SETD9: variants seen among roughly 807,000 people sequenced by gnomAD.
SETD9 encodes the protein SET domain containing 9, also known as SET domain-containing protein 9.
Under a neutral mutation model 36.4 loss-of-function variants are expected in SETD9, and 37 were observed. The ratio of observed to expected loss-of-function variants is 1.02; its 90% CI spans 0.78 to 1.34. The LOEUF (loss-of-function observed/expected upper bound fraction) is 1.34, where lower values mean the gene tolerates loss of function less well. SETD9 is among the 40% of genes most tolerant of loss of function. The probability of loss-of-function intolerance (pLI) is 0.00; values close to 1 mark genes in which losing one functional copy is unlikely to be tolerated. For missense variants in SETD9, 323 were observed against 353.2 expected (o/e 0.91, Z 0.69); for synonymous variants, 128 against 132.9 (o/e 0.96, Z 0.26).
At chr5:56,922,959 T>C (rs1749743189) in intron 5 of SETD9, 4 of 622,436 alleles carry the variant, frequency 6.4e-6, no homozygotes, top group Non-Finnish European at 8.3e-6. Flanking sequence ...CATTTATGGA[T>C]TGAAAAATGA....
At chr5:56,913,220 A>C (rs1579811717) in intron 3 of SETD9, 86 bp downstream of exon 3, 14 of 1,184,842 alleles carry the variant, frequency 1.2e-5, no homozygotes, top group Admixed American at 3.1e-5. Flanking sequence ...TTTGTACTTT[A>C]TTTATTTTTT....
Position 56,909,655 on chromosome 5 carries a change from CG to C in SETD9, c.11del (p.Arg4LeufsTer23), listed in dbSNP as rs1748988777. On this transcript the variant is annotated frameshift_variant, in exon 1 of 6. Transcript: ENST00000285947. LOFTEE classifies it high-confidence loss of function. MPG[R>X]LLRGLWQRWR... ...GCCCCGCGGGGCAGCCATGCCTGGC[CG>C]TCTGCTGCGGGGCCTGTGGCAGCGA... 1 of 1,607,318 alleles carries C rather than the reference CG, an allele frequency of 6.2e-7. No individual in the cohort carries two copies.
Position 56,916,870 on chromosome 5 carries a change from C to CT in SETD9, c.874dup (p.Ser292PhefsTer12), listed in dbSNP as rs757078745. On this transcript the variant is annotated frameshift_variant, in exon 6 of 6. Coordinates refer to ENST00000285947, the MANE Select transcript of SETD9 (RefSeq NM_153706.4). LOFTEE classifies it high-confidence loss of function. ...TAGGGACATCAATCAAGGAGAAGAG[C>CT]TTTTTTCAAACTACTACACAATTGT... The CT allele has an allele frequency of 3.1e-6, 5 of 1,607,320 alleles. No individual in the cohort carries two copies. Among genetic ancestry groups the CT allele is most frequent in the Non-Finnish European group, 4.2e-6 (5 of 1,177,642 alleles).
intron 1 of SETD9, 141 bp from the exon 2 acceptor site, chr5:56,911,028 T>C: frequency 1.0e-6 from 1 of 959,224 alleles, no homozygotes; most frequent in Non-Finnish European, 1.5e-6. Flanking sequence ...CAAACAATTC[T>C]TTTCTGAACT....
chr5:56,912,972 C>T, intron 2 of SETD9, 39 bp from the exon 3 acceptor site: 1 of 1,594,866 alleles, frequency 6.3e-7, no homozygotes, highest in South Asian at 1.1e-5. Flanking sequence ...TATGATTTTT[C>T]ATGTTGTTAT....
chr5:56,916,750 T>C (rs1387519209), intron 5 of SETD9, 65 bp from the exon 6 acceptor site: 1 of 1,540,504 alleles, frequency 6.5e-7, no homozygotes, highest in Non-Finnish European at 8.8e-7. Context: ...GCCATCTTGG[T>C]TATATTAAAA....
downstream of SETD9, among the ~76,000 whole-genome samples, chr5:56,919,110 C>CCTTA (rs1285119555): frequency 6.8e-6 from 1 of 147,338 alleles, no homozygotes; most frequent in Non-Finnish European, 1.5e-5. Flanking sequence ...AAAGTATAAT[C>CCTTA]CTTACTTTGG....
chr5:56,910,688 T>A, intron 1 of SETD9: 1 of 234,914 alleles, frequency 4.3e-6, no homozygotes, highest in South Asian at 4.3e-5. Flanking sequence ...CTGGAGGGAG[T>A]GTCACAAAGT....
At chr5:56,912,714 T>C (rs2271202) in intron 2 of SETD9, among the ~76,000 whole-genome samples, 13,888 of 152,184 alleles carry the variant, frequency 0.091, 656 homozygotes, top group East Asian at 0.14. Context: ...TACTTAAATA[T>C]ATATGTGTGT....
At chr5:56,920,515 G>A (rs1749621725), downstream of SETD9, 1 of 152,348 alleles carries the variant, frequency 6.6e-6, no homozygotes, top group Admixed American at 6.6e-5. Context: ...TGATAATAAA[G>A]GCATTATTGT....
At chr5:56,918,278 TTCTC>T (rs532112710), downstream of SETD9, among the ~76,000 whole-genome samples, 24 of 152,204 alleles carry the variant, frequency 1.6e-4, no homozygotes, top group Non-Finnish European at 2.5e-4. Flanking sequence ...TTGCACTTAG[TTCTC>T]TCTGCCTGTA....
At position 56,909,663 on chromosome 5, in the gene SETD9, G is replaced by GCCC; in HGVS notation, c.19_20insCCC (p.Leu6_Arg7insPro). On this transcript the variant is annotated inframe_insertion, in exon 1 of 6. Coordinates refer to ENST00000285947, the MANE Select transcript of SETD9 (RefSeq NM_153706.4). The stretch of plus-strand genomic sequence containing the variant: ...GGGCAGCCATGCCTGGCCGTCTGCT[G>GCCC]CGGGGCCTGTGGCAGCGATGGCGCC... 6.2e-7 allele frequency: 1 copy of GCCC among 1,609,282 alleles called. No individual in the cohort carries two copies. The highest frequency in any genetic ancestry group is 1.1e-5 in the South Asian group (1 of 90,564).
chr5:56,924,023 G>A, intron 5 of SETD9: 1 of 1,613,272 alleles, frequency 6.2e-7, no homozygotes, highest in South Asian at 1.1e-5. Flanking sequence ...TACACACTCA[G>A]CAACTGTCCT....
chr5:56,918,709 T>C (rs888601635), downstream of SETD9, among the ~76,000 whole-genome samples: 3 of 152,248 alleles, frequency 2.0e-5, no homozygotes, highest in Admixed American at 6.5e-5. Flanking sequence ...GATGTGGTTT[T>C]AGTCAAGTAA....
At chr5:56,912,623 A>G (rs1749196774) in intron 2 of SETD9, among the ~76,000 whole-genome samples, 1 of 152,200 alleles carries the variant, frequency 6.6e-6, no homozygotes, top group South Asian at 2.1e-4. Flanking sequence ...TGTCAGACTC[A>G]TCTATTCCCA....
At chr5:56,922,013 T>C (rs1206546848), downstream of SETD9, 2 of 152,658 alleles carry the variant, frequency 1.3e-5, no homozygotes, top group Admixed American at 1.3e-4. Flanking sequence ...TAATGTACCA[T>C]TCTATTTCAG....
intron 5 of SETD9, chr5:56,922,651 G>A (rs1749726360): frequency 1.9e-5 from 3 of 156,774 alleles, no homozygotes; most frequent in Admixed American, 6.2e-5. Flanking sequence ...ACATTGAGCA[G>A]GGATCGGGAT....
chr5:56,919,376 G>A (rs80310300), downstream of SETD9, among the ~76,000 whole-genome samples: 9,188 of 151,928 alleles, frequency 0.06, 348 homozygotes, highest in South Asian at 0.17. Flanking sequence ...TGCCCGCCTC[G>A]GCCTCTCAAA....
chr5:56,911,187 A>G lies in SETD9; in HGVS notation c.117A>G (p.Pro39=). 6.4e-7 allele frequency: 1 copy of G among 1,563,114 alleles called. No homozygotes were observed. ...SHNPRTLRYV[P]EESKDKVISD... ...TTTTCAGGACCCTCCGATATGTTCC[A>G]GAGGAATCCAAAGACAAAGTTATCT... The change falls in exon 2 of 6, where the codon CCA becomes CCG. Residue 39 remains proline (P), a synonymous_variant. Coordinates refer to ENST00000285947, the MANE Select transcript of SETD9 (RefSeq NM_153706.4).
Sources: gnomAD v4.1 joint callset for allele counts (sites outside exome capture counted in the v4.1 genomes callset) on GRCh38, gnomAD v4.1.1 for gene constraint, MANE v1.5 for transcripts, NCBI Gene and HGNC (gene_info 2026-07-23, HGNC 2026-07-21) for gene names.